Variants in SLC25A3 observed in about 807,000 individuals in gnomAD.
The protein encoded by SLC25A3 is phosphate transport protein.
SLC25A3 carries 14 observed loss-of-function variants against 37.1 expected under a neutral mutation model. That is an observed-to-expected ratio of 0.38 (90% CI 0.25 to 0.59). The LOEUF is 0.59. Among genes scored for constraint, SLC25A3 ranks in the 20% least tolerant of loss-of-function variants. SLC25A3 has a pLI of 0.67. For synonymous variants in SLC25A3, 161 were observed against 168.7 expected (o/e 0.95, Z 0.36); for missense variants, 385 against 458.1 (o/e 0.84, Z 1.46).
Position 98,601,759 on chromosome 12 carries a change from A to G in SLC25A3, c.*231A>G. The G allele has an allele frequency of 1.9e-6, 1 of 521,802 alleles. No homozygotes were observed. Among genetic ancestry groups the G allele is most frequent in the East Asian group, 3.5e-5 (1 of 28,964 alleles). 32.3% of individuals were successfully genotyped at this position (521,802 alleles called of 1,614,324 possible). On this transcript the variant is annotated 3_prime_UTR_variant, in exon 8 of 8. Coordinates refer to ENST00000552981, the MANE Select transcript of SLC25A3 (RefSeq NM_002635.4). ...TTTTTTAAAAAAGATTTAGCTTTAA[A>G]ATAGTTGGAAAGAATGAAGTATATA... is the stretch of plus-strand genomic sequence containing the variant.
In SLC25A3 at chr12:98,597,741, CT is replaced by C. The variant is rs2153285160; in HGVS notation, c.280-111del. 8 of 1,452,546 alleles carry C rather than the reference CT, an allele frequency of 5.5e-6. No homozygotes were observed. In the South Asian group the frequency reaches 7.6e-5, roughly 14 times the overall value. 90.0% of individuals were successfully genotyped at this position (1,452,546 alleles called of 1,614,324 possible). A position where few individuals can be genotyped will look rare whatever the true frequency, so the allele number is the denominator to read the frequency against. On this transcript the variant is annotated intron_variant, in intron 3 of 7. Transcript: ENST00000552981. ...GCCTGGCAGGAATTACTGTAGTTAC[CT>C]TTTGTGTAGTTGCTGAAATTTATTA...
intron 5 of SLC25A3, chr12:98,599,487 A>T (rs1044651126): frequency 4.9e-6 from 2 of 409,616 alleles, no homozygotes; most frequent in African/African-American, 4.2e-5. Flanking sequence ...TGAGCCCTGG[A>T]CTGAGTTTTT....
chr12:98,594,975 T>C, intron 2 of SLC25A3: 1 of 198,442 alleles, frequency 5.0e-6, no homozygotes, highest in East Asian at 1.3e-4. Context: ...GTATTAAATG[T>C]ATTTGACTGC....
At position 98,602,113 on chromosome 12, in the gene SLC25A3, GTGAT is replaced by G. The variant is rs2097598367; in HGVS notation, c.*589_*592del. On this transcript the variant is annotated 3_prime_UTR_variant, in exon 8 of 8. Transcript: ENST00000552981. ...CTTAGAATGACAGTAAAGGACCAAA[GTGAT>G]TGACAGCTGAAAACAATTTTCAGGT... The G allele has an allele frequency of 5.2e-5, 8 of 155,210 alleles. No homozygotes were observed. The highest frequency in any genetic ancestry group is 5.1e-4 in the Admixed American group (8 of 15,638). The allele number at this position is 155,210 out of a possible 1,614,324, so 9.6% of individuals were successfully genotyped here.
rs182746642 is a variant in SLC25A3, at chr12:98,603,881, A to G, written c.*2353A>G. 132 of 152,278 alleles carry G rather than the reference A, an allele frequency of 8.7e-4. No individual in the cohort carries two copies. The highest frequency in any genetic ancestry group is 3.1e-3 in the African/African-American group (127 of 41,512). The allele number at this position is 152,278 out of a possible 1,614,324, so 9.4% of individuals were successfully genotyped here. ...TTCTAGTAAGAAAATTTTAATATGT[A>G]TGTATTGGTGTTCTTTTTACATTTC... On this transcript the variant is annotated 3_prime_UTR_variant, in exon 8 of 8. Coordinates refer to ENST00000552981, the MANE Select transcript of SLC25A3 (RefSeq NM_002635.4).
chr12:98,600,396 G>A (rs1019507980), intron 6 of SLC25A3, among the ~76,000 whole-genome samples: 19 of 151,128 alleles, frequency 1.3e-4, no homozygotes, highest in African/African-American at 4.4e-4. Context: ...CGCCATGCCC[G>A]GCTGATTTTT....
At chr12:98,598,769 GT>G (rs982573378) in intron 5 of SLC25A3, 66 bp downstream of exon 5, 10,093 of 1,062,824 alleles carry the variant, frequency 9.5e-3, no homozygotes, top group Non-Finnish European at 0.01. Flanking sequence ...ATTTTTTTTT[GT>G]TTTTTTTTTT....
At position 98,600,039 on chromosome 12, in the gene SLC25A3, A is replaced by AG. The variant is rs1185919082; in HGVS notation, c.727dup (p.Ala243GlyfsTer9). ...TCGCCTGCTTTGAACGTACTGTTGA[A>AG]GCACTGTACAAGTTTGTGGTTCCTA... On this transcript the variant is annotated frameshift_variant, in exon 6 of 8. Transcript: ENST00000552981. LOFTEE classifies it high-confidence loss of function. 1 of 1,613,970 alleles carries AG rather than the reference A, an allele frequency of 6.2e-7. No homozygotes were observed. The highest frequency in any genetic ancestry group is 1.3e-5 in the African/African-American group (1 of 74,936).
In SLC25A3 at chr12:98,602,317, A is replaced by G. The variant is rs2097598560; in HGVS notation, c.*789A>G. ...GTAGCTGGGATTTCAGGCATGTGCC[A>G]CCACGCCCAGCTAATTTTGTATTTT... On this transcript the variant is annotated 3_prime_UTR_variant, in exon 8 of 8. Coordinates refer to ENST00000552981, the MANE Select transcript of SLC25A3 (RefSeq NM_002635.4). The G allele has an allele frequency of 6.6e-6, 1 of 152,402 alleles. No individual in the cohort carries two copies. 9.4% of individuals were successfully genotyped at this position (152,402 alleles called of 1,614,324 possible).
chr12:98,606,358 A>C lies in SLC25A3; in HGVS notation c.*4830A>C, dbSNP rs958525290. 1 of 152,228 alleles carries C rather than the reference A, an allele frequency of 6.6e-6. No individual in the cohort carries two copies. The highest frequency in any genetic ancestry group is 1.5e-5 in the Non-Finnish European group (1 of 68,032). 9.4% of individuals were successfully genotyped at this position (152,228 alleles called of 1,614,324 possible). Reference sequence around the variant, plus strand: ...AAAATTAAAAAATTAAACATAAATAAAAGTTCAAACTATGTGTTGAATCAT... The same window carrying C: ...AAAATTAAAAAATTAAACATAAATACAAGTTCAAACTATGTGTTGAATCAT... On this transcript the variant is annotated 3_prime_UTR_variant, in exon 8 of 8. Coordinates refer to ENST00000552981, the MANE Select transcript of SLC25A3 (RefSeq NM_002635.4).
At position 98,606,167 on chromosome 12, in the gene SLC25A3, A is replaced by G. The variant is rs943550555; in HGVS notation, c.*4639A>G. The G allele has an allele frequency of 2.0e-5, 3 of 152,184 alleles. No homozygotes were observed. Among genetic ancestry groups the G allele is most frequent in the Non-Finnish European group, 4.4e-5 (3 of 68,028 alleles). 9.4% of individuals were successfully genotyped at this position (152,184 alleles called of 1,614,324 possible). On this transcript the variant is annotated 3_prime_UTR_variant, in exon 8 of 8. Coordinates refer to ENST00000552981, the MANE Select transcript of SLC25A3 (RefSeq NM_002635.4). ...TGCAATTTTCTTTGCATTACTGATG[A>G]GGAAAAATCTCAAAGTAATTGTAAA...
At position 98,606,118 on chromosome 12, in the gene SLC25A3, T is replaced by TA. The variant is rs565033725; in HGVS notation, c.*4595dup. 6.7e-3 allele frequency: 1,017 copies of TA among 152,194 alleles called. 12 individuals are homozygous for TA. Among genetic ancestry groups the TA allele is most frequent in the African/African-American group, 0.023 (957 of 41,514 alleles). 9.4% of individuals were successfully genotyped at this position (152,194 alleles called of 1,614,324 possible). A position where few individuals can be genotyped will look rare whatever the true frequency, so the allele number is the denominator to read the frequency against. On this transcript the variant is annotated 3_prime_UTR_variant, in exon 8 of 8. Transcript: ENST00000552981. Reference sequence around the variant, plus strand: ...CAGAGTGATAACCTGTCTAAAAAAATAAAAATAAATTGTATAATCATATTG... The same window carrying TA: ...CAGAGTGATAACCTGTCTAAAAAAATAAAAAATAAATTGTATAATCATATTG...
chr12:98,595,283 C>T (rs1235339044), intron 2 of SLC25A3: 16 of 719,718 alleles, frequency 2.2e-5, no homozygotes, highest in Non-Finnish European at 3.6e-5. Context: ...CTGAATTTGG[C>T]AGTGAATTTT....
Position 98,602,345 on chromosome 12 carries a change from G to A in SLC25A3, c.*817G>A, listed in dbSNP as rs2097598576. The A allele has an allele frequency of 6.6e-6, 1 of 152,300 alleles. No individual in the cohort carries two copies. Among genetic ancestry groups the A allele is most frequent in the Non-Finnish European group, 1.5e-5 (1 of 68,162 alleles). 9.4% of individuals were successfully genotyped at this position (152,300 alleles called of 1,614,324 possible). On this transcript the variant is annotated 3_prime_UTR_variant, in exon 8 of 8. Coordinates refer to ENST00000552981, the MANE Select transcript of SLC25A3 (RefSeq NM_002635.4). ...ACGCCCAGCTAATTTTGTATTTTTAGTAGAGACGGGGTTTCCCTGTGTTGG... is the reference window on the plus strand; with the variant it reads ...ACGCCCAGCTAATTTTGTATTTTTAATAGAGACGGGGTTTCCCTGTGTTGG...
At position 98,598,703 on chromosome 12, in the gene SLC25A3, CG is replaced by C; in HGVS notation, c.641+1del. ...ATGTATAAGGAAGAAGGCCTAAAAGCGTAAGTAAACACTTAAAAATTTATAC... is the reference window on the plus strand; with the variant it reads ...ATGTATAAGGAAGAAGGCCTAAAAGCTAAGTAAACACTTAAAAATTTATAC... On this transcript the variant is annotated splice_donor_variant, in intron 5 of 7. Coordinates refer to ENST00000552981, the MANE Select transcript of SLC25A3 (RefSeq NM_002635.4). LOFTEE classifies it high-confidence loss of function. 6.2e-7 allele frequency: 1 copy of C among 1,611,642 alleles called. No individual in the cohort carries two copies. Among genetic ancestry groups the C allele is most frequent in the Non-Finnish European group, 8.5e-7 (1 of 1,178,088 alleles).
At chr12:98,597,748 G>A (rs1011743445) in intron 3 of SLC25A3, 108 bp from the exon 4 acceptor site, 1 of 1,480,298 alleles carries the variant, frequency 6.8e-7, no homozygotes, top group Non-Finnish European at 9.2e-7. Flanking sequence ...TACCTTTTGT[G>A]TAGTTGCTGA....
rs2097590831 is a variant in SLC25A3, at chr12:98,594,076, C to A, written c.98C>A (p.Ser33Tyr). Residue 33 changes from serine to tyrosine, a missense_variant, in exon 2 of 8, where the codon TCC becomes TAC. Around this residue, in one of 2 missense-constraint regions of SLC25A3, gnomAD observed 109 missense variants for 90.5 expected, o/e 1.20. Coordinates refer to ENST00000552981, the MANE Select transcript of SLC25A3 (RefSeq NM_002635.4). ...GGTCTCGGGGACCTCCGCAGCAGCT[C>A]CCCAGGGCCCACGGGCCAGCCCCGC... ...HDGLGDLRSS[S>Y]PGPTGQPRRP... 2 of 1,612,556 alleles carry A rather than the reference C, an allele frequency of 1.2e-6. No homozygotes were observed. The highest frequency in any genetic ancestry group is 2.7e-5 in the African/African-American group (2 of 74,914).
Position 98,597,962 on chromosome 12 carries a change from A to C in SLC25A3, c.386A>C (p.Tyr129Ser). The C allele has an allele frequency of 6.2e-7, 1 of 1,613,948 alleles. No homozygotes were observed. The highest frequency in any genetic ancestry group is 8.5e-7 in the Non-Finnish European group (1 of 1,179,906). Reference protein sequence around the residue: ...AKGWAPTFLGYSMQGLCKFGF... With the variant: ...AKGWAPTFLGSSMQGLCKFGF... ...GGATGGGCTCCGACTTTCCTTGGCT[A>C]CTCCATGCAGGGACTCTGCAAGTTT... is the stretch of plus-strand genomic sequence containing the variant. Residue 129 changes from tyrosine (Y) to serine (S), a missense_variant, in exon 4 of 8, where the codon TAC becomes TCC. This residue lies in a region of SLC25A3 where 276 missense variants were observed against 367.6 expected (regional missense o/e 0.75). Transcript: ENST00000552981.
chr12:98,598,419 C>T (rs1252271538), intron 4 of SLC25A3, 103 bp from the exon 5 acceptor site: 1 of 1,577,474 alleles, frequency 6.3e-7, no homozygotes, highest in Non-Finnish European at 8.7e-7. Flanking sequence ...TCGTGTGTTA[C>T]TTTATAAAAT....
Sources: allele counts gnomAD v4.1 joint callset (sites outside exome capture counted in the v4.1 genomes callset), GRCh38; gene constraint gnomAD v4.1.1; regional missense constraint gnomAD v4.1.1; transcripts MANE v1.5; gene names NCBI Gene and HGNC (gene_info 2026-07-23, HGNC 2026-07-21).